Variants in DIPK1A observed in about 807,000 individuals in gnomAD.
DIPK1A encodes divergent protein kinase domain 1A.
In DIPK1A, 27 loss-of-function variants were observed where a neutral mutation model predicts 40.8. The ratio of observed to expected loss-of-function variants is 0.66; its 90% CI spans 0.49 to 0.91. The LOEUF (loss-of-function observed/expected upper bound fraction) is 0.91. DIPK1A is among the 40% of genes least tolerant of loss of function. The probability of loss-of-function intolerance (pLI) is 0.00; values close to 1 mark genes in which losing one functional copy is unlikely to be tolerated. For synonymous variants in DIPK1A, 166 were observed against 171.3 expected (o/e 0.97, Z 0.24); for missense variants, 412 against 505.7 (o/e 0.81, Z 1.78).
intron 1 of DIPK1A, among the ~76,000 whole-genome samples, chr1:92,897,974 C>G (rs1649250325): frequency 6.6e-6 from 1 of 152,048 alleles, no homozygotes; most frequent in Non-Finnish European, 1.5e-5. Flanking sequence ...TGGCGTGCAC[C>G]TATAGTCTCA....
rs1186015141 is a variant in DIPK1A, at chr1:92,844,375, CA to C, written c.475-181del. Among the ~76,000 whole-genome samples the C allele has an allele frequency of 8.5e-5, 13 of 152,254 alleles. No individual in the cohort carries two copies. The East Asian group carries it at 2.5e-3, about 29-fold the overall frequency. On this transcript the variant is annotated intron_variant, in intron 4 of 4. Transcript: ENST00000370310. ...TGATACTTCCTAAGTGAACTAGAAC[CA>C]TGCTTTATGTAACTGCAGTAAAACC...
At chr1:92,844,239 C>A in intron 4 of DIPK1A, 44 bp from the exon 5 acceptor site, 1 of 1,222,806 alleles carries the variant, frequency 8.2e-7, no homozygotes, top group South Asian at 1.4e-5. Context: ...TGAAAAATAC[C>A]TCCCATGCAA....
intron 1 of DIPK1A, among the ~76,000 whole-genome samples, chr1:92,877,333 C>T (rs112043172): frequency 0.014 from 2,071 of 152,182 alleles, 17 homozygotes; most frequent in Non-Finnish European, 0.022. Context: ...CTGAGGACTA[C>T]GAAGAGAATT....
chr1:92,842,406 A>AT lies in DIPK1A; in HGVS notation c.*976dup, dbSNP rs1158125989. The AT allele has an allele frequency of 2.0e-6, 2 of 981,248 alleles. No individual in the cohort carries two copies. The highest frequency in any genetic ancestry group is 3.5e-5 in the African/African-American group (2 of 57,126). 60.8% of individuals were successfully genotyped at this position (981,248 alleles called of 1,614,324 possible). ...GGAGATGTTGAAAGGTACATGCCAA[A>AT]TCTGAGTATACGTGTGAAAATAATA... On this transcript the variant is annotated 3_prime_UTR_variant, in exon 5 of 5. Coordinates refer to ENST00000370310, the MANE Select transcript of DIPK1A (RefSeq NM_001006605.5).
intron 1 of DIPK1A, among the ~76,000 whole-genome samples, chr1:92,949,732 T>C (rs1383455217): frequency 3.9e-5 from 6 of 152,170 alleles, no homozygotes; most frequent in Admixed American, 2.6e-4. Flanking sequence ...GGAATAAAGC[T>C]AGGGGCAGGA....
Position 92,864,375 on chromosome 1 carries a change from A to G in DIPK1A, c.189+11921T>C, listed in dbSNP as rs147766040. 1.6e-4 allele frequency among the ~76,000 whole-genome samples: 25 copies of G among 152,040 alleles called. No individual in the cohort carries two copies. In the East Asian group the frequency reaches 4.6e-3, roughly 28 times the overall value. On this transcript the variant is annotated intron_variant, in intron 2 of 4. Coordinates refer to ENST00000370310, the MANE Select transcript of DIPK1A (RefSeq NM_001006605.5). ...TTTAGAGGCCCTTTTATTTTGTAAT[A>G]CTTCCATTTAAAGGATGTGCTCATA...
chr1:92,937,877 G>A (rs1651004807), intron 1 of DIPK1A, among the ~76,000 whole-genome samples: 1 of 151,980 alleles, frequency 6.6e-6, no homozygotes, highest in Non-Finnish European at 1.5e-5. Flanking sequence ...CCCCGATCTT[G>A]GATAAATACC....
At chr1:92,836,784 T>A (rs1571030466) in intron 4 of DIPK1A, 1 of 222,180 alleles carries the variant, frequency 4.5e-6, no homozygotes, top group East Asian at 1.1e-4. Context: ...TTATAAGAAG[T>A]TTGAGGAAAA....
intron 1 of DIPK1A, among the ~76,000 whole-genome samples, chr1:92,884,430 G>A (rs1441439648): frequency 6.6e-6 from 1 of 151,910 alleles, no homozygotes; most frequent in South Asian, 2.1e-4. Context: ...TCTAACCTAG[G>A]TGACAGAGCA....
At chr1:92,887,982 G>A (rs992706766) in intron 1 of DIPK1A, among the ~76,000 whole-genome samples, 1 of 151,530 alleles carries the variant, frequency 6.6e-6, no homozygotes, top group Admixed American at 6.6e-5. Context: ...ATCTAGTATG[G>A]AACACTATTC....
intron 1 of DIPK1A, among the ~76,000 whole-genome samples, chr1:92,922,878 GAA>G (rs971689519): frequency 6.6e-6 from 1 of 151,458 alleles, no homozygotes; most frequent in Non-Finnish European, 1.5e-5. Flanking sequence ...TGGTGCTGTA[GAA>G]AAGTCTGTCA....
At chr1:92,833,978 C>T (rs1351342928) in intron 4 of DIPK1A, 8 of 350,198 alleles carry the variant, frequency 2.3e-5, no homozygotes, top group Non-Finnish European at 3.8e-5. Flanking sequence ...CATGGCGGGG[C>T]GCACCTGTAG....
At chr1:92,860,636 A>AC in intron 2 of DIPK1A, among the ~76,000 whole-genome samples, 1 of 60,628 alleles carries the variant, frequency 1.6e-5, no homozygotes, top group Non-Finnish European at 3.6e-5. Context: ...CTAAAAAAAA[A>AC]AAAAAAAAAA....
intron 1 of DIPK1A, among the ~76,000 whole-genome samples, chr1:92,958,734 A>G (rs372504803): frequency 3.3e-5 from 5 of 152,238 alleles, no homozygotes; most frequent in Admixed American, 6.5e-5. Flanking sequence ...GAATGAGCTG[A>G]TAAGAGGAGG....
chr1:92,953,858 T>C (rs1651736101), intron 1 of DIPK1A, among the ~76,000 whole-genome samples: 2 of 152,174 alleles, frequency 1.3e-5, no homozygotes, highest in Admixed American at 6.5e-5. Flanking sequence ...AATACTACTA[T>C]ACTATATGCT....
At chr1:92,906,794 C>A (rs1649642568) in intron 1 of DIPK1A, among the ~76,000 whole-genome samples, 2 of 152,056 alleles carry the variant, frequency 1.3e-5, no homozygotes, top group Admixed American at 1.3e-4. Flanking sequence ...AATCTATGGA[C>A]CTAAAACCAG....
intron 2 of DIPK1A, among the ~76,000 whole-genome samples, chr1:92,855,975 G>A (rs1046083863): frequency 2.0e-5 from 3 of 152,100 alleles, no homozygotes; most frequent in African/African-American, 7.2e-5. Context: ...TACTCGGAAG[G>A]CTGAGGTGGG....
rs1263738822 is a variant in DIPK1A, at chr1:92,844,108, A to G, written c.562T>C (p.Leu188=). 1.3e-5 allele frequency: 20 copies of G among 1,551,678 alleles called. No homozygotes were observed. The highest frequency in any genetic ancestry group is 5.9e-5 in the Admixed American group (3 of 50,978). Residue 188 remains leucine (L), a synonymous_variant, in exon 5 of 5, where the codon TTG becomes CTG. Transcript: ENST00000370310. ...ADGDKDGQVS[L]GEAKSAWALL... ...GCCCATGCCGACTTTGCTTCTCCCA[A>G]GGAAACCTGGCCATCTTTGTCTCCA...
chr1:92,919,910 T>C (rs1260301537), intron 1 of DIPK1A, among the ~76,000 whole-genome samples: 1 of 152,200 alleles, frequency 6.6e-6, no homozygotes, highest in Non-Finnish European at 1.5e-5. Flanking sequence ...ATAATTCTTA[T>C]CAAATGGAAA....
Sources: allele counts gnomAD v4.1 joint callset (sites outside exome capture counted in the v4.1 genomes callset), GRCh38; gene constraint gnomAD v4.1.1; transcripts MANE v1.5; gene names NCBI Gene and HGNC (gene_info 2026-07-23, HGNC 2026-07-21).